Variants in RCOR3 observed in about 807,000 individuals in gnomAD.
The protein encoded by RCOR3 is REST corepressor 3.
RCOR3 carries 13 observed loss-of-function variants against 64.1 expected under a neutral mutation model. That is an observed-to-expected ratio of 0.20 (90% CI 0.13 to 0.32). RCOR3 has a LOEUF of 0.32. RCOR3 is among the 10% of genes least tolerant of loss of function. RCOR3 has a pLI of 1.00. For synonymous variants in RCOR3, 215 were observed against 239.0 expected (o/e 0.90, Z 0.93); for missense variants, 489 against 701.2 (o/e 0.70, Z 3.42).
intron 8 of RCOR3, 47 bp downstream of exon 8, chr1:211,289,443 ATCCGCTTTTACCTTTT>A: frequency 6.8e-7 from 1 of 1,469,036 alleles, no homozygotes; most frequent in Non-Finnish European, 9.3e-7. Flanking sequence ...CATTTTGGCT[ATCCGCTTTTACCTTTT>A]ACCTAGGTTG....
chr1:211,313,325 T>C lies in RCOR3; in HGVS notation c.1318-99T>C. 2 of 1,476,414 alleles carry C rather than the reference T, an allele frequency of 1.4e-6. No individual in the cohort carries two copies. Among genetic ancestry groups the C allele is most frequent in the Non-Finnish European group, 1.8e-6 (2 of 1,117,522 alleles). 91.5% of individuals were successfully genotyped at this position (1,476,414 alleles called of 1,614,324 possible). On this transcript the variant is annotated intron_variant, in intron 11 of 11. Transcript: ENST00000419091. The surrounding 1 kb of genome is among the most constrained non-coding windows in gnomAD (Gnocchi z 4.7). ...ACTGGTGTTATGTTTTTGTTTTGTT[T>C]TGATTTGTTTTGTTTTTCCTGTGAC...
rs1701760021 is a variant in RCOR3 at position 211,314,373 on chromosome 1, GAAAGCAATTTAATCAATTGC to G, written c.*615_*634del. 1 of 151,324 alleles carries G rather than the reference GAAAGCAATTTAATCAATTGC, an allele frequency of 6.6e-6. No individual in the cohort carries two copies. The highest frequency in any genetic ancestry group is 2.4e-5 in the African/African-American group (1 of 41,104). 9.4% of individuals were successfully genotyped at this position (151,324 alleles called of 1,614,324 possible). A position where few individuals can be genotyped will look rare whatever the true frequency, so the allele number is the denominator to read the frequency against. ...GGAATTTTAATATATTCCTTTAAAA[GAAAGCAATTTAATCAATTGC>G]AAAGCAATTATATAAAACCACAAAG... On this transcript the variant is annotated 3_prime_UTR_variant, in exon 12 of 12. Coordinates refer to ENST00000419091, the MANE Select transcript of RCOR3 (RefSeq NM_001136223.3).
chr1:211,287,804 C>T (rs560126355), intron 7 of RCOR3, among the ~76,000 whole-genome samples: 1 of 152,034 alleles, frequency 6.6e-6, no homozygotes, highest in Non-Finnish European at 1.5e-5. Flanking sequence ...TTGCTTGAGC[C>T]CAGGTGGAGA....
chr1:211,302,208 C>G (rs1185628736), intron 9 of RCOR3: 1 of 152,206 alleles, frequency 6.6e-6, no homozygotes, highest in Non-Finnish European at 1.5e-5. Flanking sequence ...ACATCATTAT[C>G]CTTCTCTGTC....
At position 211,259,607 on chromosome 1, in the gene RCOR3, G is replaced by A. The variant is rs1025926113; in HGVS notation, c.47G>A (p.Arg16Gln). Residue 16 changes from arginine (R) to glutamine (Q), a missense_variant, in exon 1 of 12, where the codon CGA becomes CAA. Around this residue, in one of 2 missense-constraint regions of RCOR3, gnomAD observed 87 missense variants for 84.3 expected, o/e 1.03. Transcript: ENST00000419091. ...GGGCCCGAGTTACTGGGGAAGAACC[G>A]ATCGGCCAACGGCAGCGCCAAGAGC... ...EKGPELLGKN[R>Q]SANGSAKSPA... 3.6e-5 allele frequency: 56 copies of A among 1,548,218 alleles called. No individual in the cohort carries two copies. Among genetic ancestry groups the A allele is most frequent in the Non-Finnish European group, 4.6e-5 (53 of 1,146,074 alleles).
At chr1:211,286,448 C>T (rs1271865177) in intron 7 of RCOR3, among the ~76,000 whole-genome samples, 2 of 151,974 alleles carry the variant, frequency 1.3e-5, no homozygotes, top group African/African-American at 4.8e-5. Context: ...GCTGGGACTA[C>T]AGGCGCATGC....
intron 7 of RCOR3, among the ~76,000 whole-genome samples, chr1:211,286,529 G>A (rs187094307): frequency 1.1e-4 from 16 of 152,050 alleles, no homozygotes; most frequent in Admixed American, 9.8e-4. Context: ...GTATGGTCTC[G>A]ATCTCCTGAC....
chr1:211,283,028 A>G (rs1698039775), intron 7 of RCOR3, among the ~76,000 whole-genome samples: 1 of 152,188 alleles, frequency 6.6e-6, no homozygotes, highest in African/African-American at 2.4e-5. Flanking sequence ...TTGCTATATT[A>G]TAGTGTTCCA....
At chr1:211,281,645 T>A (rs1163391991) in intron 7 of RCOR3, among the ~76,000 whole-genome samples, 4 of 152,248 alleles carry the variant, frequency 2.6e-5, no homozygotes, top group African/African-American at 9.6e-5. Context: ...GTTTTAGATA[T>A]GTCGTTTAGT....
chr1:211,276,812 GC>G (rs1485310174), intron 5 of RCOR3, among the ~76,000 whole-genome samples: 1 of 152,042 alleles, frequency 6.6e-6, no homozygotes, highest in African/African-American at 2.4e-5. Context: ...ATTAGGCCGG[GC>G]GCGGTGGCTC....
intron 9 of RCOR3, chr1:211,302,761 A>T (rs1231757696): frequency 6.6e-6 from 1 of 152,162 alleles, no homozygotes; most frequent in East Asian, 1.9e-4. Flanking sequence ...TCCACCTTCC[A>T]CAGCCAAGGT....
chr1:211,259,512 C>T lies in RCOR3; in HGVS notation c.-49C>T, dbSNP rs891249569. 2.0e-6 allele frequency: 3 copies of T among 1,529,880 alleles called. No individual in the cohort carries two copies. The highest frequency in any genetic ancestry group is 1.8e-6 in the Non-Finnish European group (2 of 1,136,878). 94.8% of individuals were successfully genotyped at this position (1,529,880 alleles called of 1,614,324 possible). ...GCGCTCTAAGCCATCTCCGCCTTCA[C>T]CCTGACGCCTGCCTCTTCCCCTCAC... On this transcript the variant is annotated 5_prime_UTR_variant, in exon 1 of 12. Coordinates refer to ENST00000419091, the MANE Select transcript of RCOR3 (RefSeq NM_001136223.3).
At chr1:211,299,363 T>TA (rs1700154720) in intron 9 of RCOR3, among the ~76,000 whole-genome samples, 1 of 152,160 alleles carries the variant, frequency 6.6e-6, no homozygotes, top group Non-Finnish European at 1.5e-5. Flanking sequence ...TGATTTGTTT[T>TA]GGATGGAGGT....
At chr1:211,267,757 A>G (rs948540526) in intron 2 of RCOR3, 1 of 304,652 alleles carries the variant, frequency 3.3e-6, no homozygotes. Flanking sequence ...ACATCCAGCT[A>G]ATTTTTTGTG....
chr1:211,294,179 G>A (rs780700042), intron 8 of RCOR3, among the ~76,000 whole-genome samples: 15 of 152,152 alleles, frequency 9.9e-5, no homozygotes, highest in Admixed American at 9.2e-4. Flanking sequence ...AAAACAAAAT[G>A]TACCCAGCTG....
chr1:211,259,665 C>T lies in RCOR3; in HGVS notation c.105C>T (p.Ser35=), dbSNP rs1259408604. ...GCGGCGGCGGCAGCGGCGCCTCGTC[C>T]ACCAACGGCGGGCTGCACTACTCAG... ...PAGGGGSGAS[S]TNGGLHYSEP... Residue 35 remains serine (S), a synonymous_variant, in exon 1 of 12, where the codon TCC becomes TCT. Coordinates refer to ENST00000419091, the MANE Select transcript of RCOR3 (RefSeq NM_001136223.3). 4.5e-6 allele frequency: 7 copies of T among 1,546,650 alleles called. No individual in the cohort carries two copies. Among genetic ancestry groups the T allele is most frequent in the African/African-American group, 1.4e-5 (1 of 72,496 alleles).
intron 3 of RCOR3, among the ~76,000 whole-genome samples, chr1:211,272,460 G>A (rs1032722785): frequency 6.6e-6 from 1 of 151,828 alleles, no homozygotes; most frequent in Non-Finnish European, 1.5e-5. Flanking sequence ...GTGTTCATGC[G>A]GAATATTTAA....
chr1:211,263,706 ATTC>A (rs770023234), intron 2 of RCOR3, among the ~76,000 whole-genome samples: 9 of 152,194 alleles, frequency 5.9e-5, no homozygotes, highest in Non-Finnish European at 5.9e-5. Context: ...GATCTATTTT[ATTC>A]TTATTTATAA....
intron 10 of RCOR3, among the ~76,000 whole-genome samples, chr1:211,307,523 G>T (rs149463261): frequency 0.012 from 1,821 of 152,078 alleles, 15 homozygotes; most frequent in Middle Eastern, 0.072. Flanking sequence ...GAATTTAAAA[G>T]AATTTAAAAA....
Sources: allele counts gnomAD v4.1 joint callset (sites outside exome capture counted in the v4.1 genomes callset), GRCh38; gene constraint gnomAD v4.1.1; regional missense constraint gnomAD v4.1.1; non-coding constraint Gnocchi (gnomAD v3.1); transcripts MANE v1.5; gene names NCBI Gene and HGNC (gene_info 2026-07-23, HGNC 2026-07-21).